Variants in PCBP3 observed in about 807,000 individuals in gnomAD.
PCBP3 encodes poly(rC)-binding protein 3.
A neutral mutation model predicts 52.7 loss-of-function variants in PCBP3; 25 were observed. The ratio of observed to expected loss-of-function variants is 0.47; its 90% CI spans 0.35 to 0.66. PCBP3 has a LOEUF of 0.66. PCBP3 is among the 30% of genes least tolerant of loss of function. The pLI is 0.01. For synonymous variants in PCBP3, 162 were observed against 183.0 expected (o/e 0.89, Z 0.93); for missense variants, 391 against 490.3 (o/e 0.80, Z 1.91).
chr21:45,917,381 G>T lies in PCBP3; in HGVS notation c.676-207G>T. 3.5e-5 allele frequency: 15 copies of T among 432,644 alleles called. No individual in the cohort carries two copies. The highest frequency in any genetic ancestry group is 2.2e-4 in the East Asian group (5 of 23,030). The allele number at this position is 432,644 out of a possible 1,614,324, so 26.8% of individuals were successfully genotyped here. A position where few individuals can be genotyped will look rare whatever the true frequency, so the allele number is the denominator to read the frequency against. ...CCGCTGAACTGGCCAGCTCAGCTCT[G>T]CCCGCCCAGAGGAAGTGGGTGCGGC... On this transcript the variant is annotated intron_variant, in intron 12 of 17. Coordinates refer to ENST00000681687, the MANE Select transcript of PCBP3 (RefSeq NM_001384156.1). This position sits in a 1 kb window ranked among gnomAD's most constrained non-coding sequence, Gnocchi z 5.3.
intron 5 of PCBP3, chr21:45,869,420 C>T (rs1392447843): frequency 6.6e-6 from 1 of 152,398 alleles, no homozygotes; most frequent in African/African-American, 2.4e-5. Flanking sequence ...CTTCAGCTCC[C>T]CCTTCTCTTC....
intron 4 of PCBP3, among the ~76,000 whole-genome samples, chr21:45,814,917 A>AGTGGTGAGTGG (rs1569259548): frequency 9.9e-6 from 1 of 100,886 alleles, no homozygotes; most frequent in African/African-American, 4.0e-5. Flanking sequence ...GTGGTGAGTG[A>AGTGGTGAGTGG]TGAGTGAGTG....
rs139612704 is a variant in PCBP3 at position 45,838,763 on chromosome 21, G to T, written c.-125-11198G>T. ...TATTTCTTTGCACTTTTTTCTGTCT[G>T]TATAATATATTCCCTTGAGGATATG... On this transcript the variant is annotated intron_variant, in intron 4 of 17. Transcript: ENST00000681687. Among the ~76,000 whole-genome samples the T allele has an allele frequency of 9.1e-3, 1,382 of 152,092 alleles. 25 individuals carry two copies. Among genetic ancestry groups the T allele is most frequent in the African/African-American group, 0.031 (1,291 of 41,508 alleles).
intron 5 of PCBP3, chr21:45,872,438 G>C (rs908125410): frequency 6.6e-5 from 10 of 152,226 alleles, no homozygotes; most frequent in African/African-American, 2.4e-4. Context: ...TCTGTGAAAA[G>C]TGGGAACAAG....
intron 13 of PCBP3, among the ~76,000 whole-genome samples, chr21:45,927,867 C>T (rs1028754654): frequency 5.9e-5 from 9 of 152,328 alleles, no homozygotes; most frequent in South Asian, 2.1e-4. Context: ...ACTCCAACCC[C>T]TGTAGAGCCC....
intron 2 of PCBP3, among the ~76,000 whole-genome samples, chr21:45,705,497 G>C (rs2083392701): frequency 6.6e-6 from 1 of 152,206 alleles, no homozygotes; most frequent in African/African-American, 2.4e-5. Context: ...ATTGGTGGCT[G>C]TGTTTTCTCT....
chr21:45,822,256 C>G (rs2093162633), intron 4 of PCBP3, among the ~76,000 whole-genome samples: 1 of 152,204 alleles, frequency 6.6e-6, no homozygotes, highest in African/African-American at 2.4e-5. Flanking sequence ...TCAGCCCCCA[C>G]TGCAGCCTGA....
intron 2 of PCBP3, among the ~76,000 whole-genome samples, chr21:45,699,598 A>G (rs141332610): frequency 8.4e-4 from 128 of 152,300 alleles, no homozygotes; most frequent in Middle Eastern, 3.4e-3. Context: ...AGAATGGACA[A>G]TTTACAAAAG....
At position 45,941,623 on chromosome 21, in the gene PCBP3, G is replaced by A. The variant is rs374203277; in HGVS notation, c.1080-47G>A. The A allele has an allele frequency of 2.5e-6, 4 of 1,574,490 alleles. No homozygotes were observed. The Admixed American group carries it at 5.3e-5, about 21-fold the overall frequency. ...GCCTCACGTCTGCCCACTGATGAGG[G>A]CGTTGGTTGTGACCGTCTCTCCCTC... On this transcript the variant is annotated intron_variant, in intron 17 of 17. Transcript: ENST00000681687.
At chr21:45,799,802 A>G (rs1408709531) in intron 4 of PCBP3, among the ~76,000 whole-genome samples, 1 of 152,208 alleles carries the variant, frequency 6.6e-6, no homozygotes, top group African/African-American at 2.4e-5. Context: ...CTCAAACTGG[A>G]ATTTTAATTA....
rs769822817 is a variant in PCBP3, at chr21:45,941,673, G to T, written c.1083G>T (p.Leu361=). ...SLAQYLINAR[L]TSEVTGMGTL is the part of the protein sequence containing the mutation. Reference sequence around the variant, plus strand: ...CTCCTGCCTTTGTCTGTTCCAGGCTGACGTCCGAGGTCACCGGGATGGGCA... The same window carrying T: ...CTCCTGCCTTTGTCTGTTCCAGGCTTACGTCCGAGGTCACCGGGATGGGCA... Residue 361 remains leucine (L), a synonymous_variant, in exon 18 of 18, where the codon CTG becomes CTT. Coordinates refer to ENST00000681687, the MANE Select transcript of PCBP3 (RefSeq NM_001384156.1). The T allele has an allele frequency of 6.2e-7, 1 of 1,606,894 alleles. No homozygotes were observed. The highest frequency in any genetic ancestry group is 1.1e-5 in the South Asian group (1 of 89,626).
intron 5 of PCBP3, among the ~76,000 whole-genome samples, chr21:45,886,905 G>A (rs2095537753): frequency 6.6e-6 from 1 of 152,246 alleles, no homozygotes; most frequent in Non-Finnish European, 1.5e-5. Context: ...TGAGGGCGGA[G>A]GTCTAGGCTC....
Position 45,651,320 on chromosome 21 carries a change from GTTTTTTC to G in PCBP3, c.-279+7454_-279+7460del, listed in dbSNP as rs551407019. On this transcript the variant is annotated intron_variant, in intron 1 of 17. Transcript: ENST00000681687. ...TATTATTTATTTTCTTTTATACAACGTTTTTTCTATTTATAAAAGTAATACAAATGTT... is the reference window on the plus strand; with the variant it reads ...TATTATTTATTTTCTTTTATACAACGTATTTATAAAAGTAATACAAATGTT... Among the ~76,000 whole-genome samples, 583 of 152,112 alleles carry G rather than the reference GTTTTTTC, an allele frequency of 3.8e-3. 5 individuals are homozygous for G. The highest frequency in any genetic ancestry group is 0.013 in the African/African-American group (556 of 41,482).
At chr21:45,699,849 G>A (rs1050205069) in intron 2 of PCBP3, among the ~76,000 whole-genome samples, 1 of 152,156 alleles carries the variant, frequency 6.6e-6, no homozygotes, top group South Asian at 2.1e-4. Context: ...ACAACATGTG[G>A]GAGTTTCGGG....
In PCBP3 at chr21:45,662,643, T is replaced by G. The variant is rs912997445; in HGVS notation, c.-278-6231T>G. Among the ~76,000 whole-genome samples the G allele has an allele frequency of 5.9e-5, 9 of 152,068 alleles. No homozygotes were observed. In the South Asian group the frequency reaches 1.9e-3, roughly 32 times the overall value. On this transcript the variant is annotated intron_variant, in intron 1 of 17. Coordinates refer to ENST00000681687, the MANE Select transcript of PCBP3 (RefSeq NM_001384156.1). The stretch of plus-strand genomic sequence containing the variant: ...CTAATCATTAGTTTGTAGTAATTAC[T>G]CTTTATTCAAATAATATAATAATCC...
chr21:45,734,314 C>T (rs2085688015), intron 2 of PCBP3, among the ~76,000 whole-genome samples: 1 of 152,130 alleles, frequency 6.6e-6, no homozygotes, highest in South Asian at 2.1e-4. Context: ...TGGTTCTTCC[C>T]CCGACCTCCT....
At chr21:45,792,851 C>T (rs955977332) in intron 4 of PCBP3, among the ~76,000 whole-genome samples, 3 of 152,174 alleles carry the variant, frequency 2.0e-5, no homozygotes, top group Admixed American at 6.5e-5. Flanking sequence ...TCAAACCCCC[C>T]GGCTTTGGGC....
chr21:45,897,534 T>A (rs2095863928), intron 6 of PCBP3, among the ~76,000 whole-genome samples: 1 of 152,188 alleles, frequency 6.6e-6, no homozygotes, highest in Admixed American at 6.5e-5. Flanking sequence ...GGTTGCTATG[T>A]TGTTCCCCGG....
chr21:45,703,690 C>T (rs1822027678), intron 2 of PCBP3, among the ~76,000 whole-genome samples: 1 of 152,106 alleles, frequency 6.6e-6, no homozygotes, highest in African/African-American at 2.4e-5. Context: ...GGGGCATGAA[C>T]AGAAGAAGGA....
Sources: allele counts gnomAD v4.1 joint callset (sites outside exome capture counted in the v4.1 genomes callset), GRCh38; gene constraint gnomAD v4.1.1; non-coding constraint Gnocchi (gnomAD v3.1); transcripts MANE v1.5; gene names NCBI Gene and HGNC (gene_info 2026-07-23, HGNC 2026-07-21).